The following EPB41L2 variants were observed in gnomAD, a reference collection of about 807,000 sequenced individuals.
EPB41L2 encodes the protein band 4.1-like protein 2.
In EPB41L2, 43 loss-of-function variants were observed where a neutral mutation model predicts 113.0. The observed-to-expected ratio is 0.38, with a 90% CI of 0.30 to 0.49. EPB41L2 has a LOEUF of 0.49. EPB41L2 is among the 20% of genes least tolerant of loss of function. EPB41L2 has a pLI of 0.95. For missense variants in EPB41L2, 1,147 were observed against 1,223.4 expected, an observed-to-expected ratio of 0.94 and a Z score of 0.93; for synonymous variants, 442 against 436.7, an observed-to-expected ratio of 1.01 and a Z score of -0.15.
chr6:131,008,980 T>C (rs909360338), intron 1 of EPB41L2, among the ~76,000 whole-genome samples: 3 of 152,218 alleles, frequency 2.0e-5, no homozygotes, highest in Non-Finnish European at 4.4e-5. Context: ...AAATTAATGC[T>C]GGAATGAGTT....
chr6:130,878,352 A>C, intron 13 of EPB41L2, 102 bp from the exon 14 acceptor site: 1 of 1,069,056 alleles, frequency 9.4e-7, no homozygotes, highest in Non-Finnish European at 1.3e-6. Context: ...ACTTACGATT[A>C]AAAAAAAAAC....
chr6:131,027,956 G>A lies in EPB41L2; in HGVS notation c.-15+35199C>T, dbSNP rs956734660. On this transcript the variant is annotated intron_variant, in intron 1 of 19. Transcript: ENST00000337057. The stretch of plus-strand genomic sequence containing the variant: ...ATAATATACTTATTTGGTGTCTGCC[G>A]AGATCATTTCAAAAGACCTGACAAA... Among the ~76,000 whole-genome samples the A allele has an allele frequency of 4.6e-5, 7 of 152,192 alleles. No homozygotes were observed. The South Asian group carries it at 1.0e-3, about 23-fold the overall frequency.
At chr6:131,030,019 G>A (rs751928863) in intron 1 of EPB41L2, among the ~76,000 whole-genome samples, 14 of 151,368 alleles carry the variant, frequency 9.2e-5, no homozygotes, top group African/African-American at 2.4e-4. Flanking sequence ...ACCACTGTTC[G>A]CAGTTCCTCA....
At chr6:131,057,081 AAAAC>A (rs1371506396) in intron 1 of EPB41L2, among the ~76,000 whole-genome samples, 1 of 152,196 alleles carries the variant, frequency 6.6e-6, no homozygotes. Context: ...AAAAAAGAGA[AAAAC>A]AAAATACTCT....
At chr6:130,928,630 GC>G (rs1805622813) in intron 3 of EPB41L2, among the ~76,000 whole-genome samples, 1 of 152,186 alleles carries the variant, frequency 6.6e-6, no homozygotes, top group Non-Finnish European at 1.5e-5. Context: ...ATAGGAACAT[GC>G]CCTCATGGGC....
At chr6:130,997,639 A>T (rs1225325865) in intron 1 of EPB41L2, among the ~76,000 whole-genome samples, 1 of 152,236 alleles carries the variant, frequency 6.6e-6, no homozygotes, top group East Asian at 1.9e-4. Context: ...CGTGTTTTTC[A>T]GGACTGCAAA....
chr6:130,890,830 T>C (rs556598020), intron 10 of EPB41L2, among the ~76,000 whole-genome samples: 1 of 152,316 alleles, frequency 6.6e-6, no homozygotes, highest in East Asian at 1.9e-4. Context: ...TCCATTACCA[T>C]TAGTAATTCT....
chr6:130,935,708 C>G (rs1018648128), intron 3 of EPB41L2, among the ~76,000 whole-genome samples: 1 of 152,114 alleles, frequency 6.6e-6, no homozygotes, highest in East Asian at 1.9e-4. Flanking sequence ...TAACTACACA[C>G]GAATTTATTT....
intron 1 of EPB41L2, chr6:131,062,697 G>C (rs923937987): frequency 6.6e-6 from 1 of 151,766 alleles, no homozygotes; most frequent in African/African-American, 2.4e-5. Flanking sequence ...CCTCCCCGCG[G>C]GGGGGATGGA....
rs917713080 is a variant in EPB41L2 at position 130,850,545 on chromosome 6, G to C, written c.*5+7586C>G. 2.0e-5 allele frequency among the ~76,000 whole-genome samples: 3 copies of C among 152,180 alleles called. No homozygotes were observed. The East Asian group carries it at 5.8e-4, about 29-fold the overall frequency. On this transcript the variant is annotated intron_variant, in intron 19 of 19. Coordinates refer to ENST00000337057, the MANE Select transcript of EPB41L2 (RefSeq NM_001431.4). ...ATCACAATATCAGCCTATATGGAAA[G>C]GGGGGGTGTGTGTATGTGAGTGTCT...
At chr6:130,848,257 A>C (rs1292170255) in intron 19 of EPB41L2, among the ~76,000 whole-genome samples, 1 of 148,892 alleles carries the variant, frequency 6.7e-6, no homozygotes, top group Non-Finnish European at 1.5e-5. Flanking sequence ...TCTAAACTGC[A>C]TCGTGCCATA....
intron 15 of EPB41L2, chr6:130,868,593 A>T (rs1784658211): frequency 6.6e-6 from 1 of 152,248 alleles, no homozygotes; most frequent in Admixed American, 6.5e-5. Context: ...CAGAAGTTTA[A>T]AAGTAACATG....
At chr6:130,903,916 T>C (rs1271621334) in intron 6 of EPB41L2, among the ~76,000 whole-genome samples, 1 of 152,206 alleles carries the variant, frequency 6.6e-6, no homozygotes, top group African/African-American at 2.4e-5. Flanking sequence ...AATCCTTTCT[T>C]TGCAATTCAA....
At chr6:130,910,107 C>A (rs1367417527) in intron 4 of EPB41L2, among the ~76,000 whole-genome samples, 3 of 152,194 alleles carry the variant, frequency 2.0e-5, no homozygotes, top group Non-Finnish European at 4.4e-5. Context: ...CTGGAGGTAT[C>A]ACACTACCTG....
At chr6:130,969,246 C>G (rs1001666110) in intron 1 of EPB41L2, among the ~76,000 whole-genome samples, 1 of 152,008 alleles carries the variant, frequency 6.6e-6, no homozygotes, top group Non-Finnish European at 1.5e-5. Flanking sequence ...CTTAAACTTC[C>G]CAAGTACACA....
Position 130,930,875 on chromosome 6 carries a change from G to A in EPB41L2, c.706-4166C>T, listed in dbSNP as rs528836711. ...TTTAAAATATGACTAAGGAAAAAGT[G>A]AATATGAAAAAGCAGGTTTTGAAAA... On this transcript the variant is annotated intron_variant, in intron 3 of 19. Coordinates refer to ENST00000337057, the MANE Select transcript of EPB41L2 (RefSeq NM_001431.4). Among the ~76,000 whole-genome samples the A allele has an allele frequency of 5.3e-5, 8 of 152,136 alleles. No homozygotes were observed. The South Asian group carries it at 1.7e-3, about 32-fold the overall frequency.
intron 3 of EPB41L2, among the ~76,000 whole-genome samples, chr6:130,948,512 A>G (rs1243795194): frequency 1.3e-5 from 2 of 152,222 alleles, no homozygotes; most frequent in Non-Finnish European, 2.9e-5. Flanking sequence ...TAAAAGGGAA[A>G]AAAGCAAATT....
intron 11 of EPB41L2, 104 bp downstream of exon 11, chr6:130,890,190 C>T: frequency 8.1e-7 from 1 of 1,241,356 alleles, no homozygotes; most frequent in Non-Finnish European, 1.1e-6. Flanking sequence ...ATGGCTATCC[C>T]TGTAGGGTAT....
At chr6:130,977,970 T>C (rs1183121232) in intron 1 of EPB41L2, among the ~76,000 whole-genome samples, 1 of 152,228 alleles carries the variant, frequency 6.6e-6, no homozygotes, top group Non-Finnish European at 1.5e-5. Context: ...GGTTTAACTT[T>C]ATTTTTAAAA....
Sources: allele counts gnomAD v4.1 joint callset (sites outside exome capture counted in the v4.1 genomes callset), GRCh38; gene constraint gnomAD v4.1.1; transcripts MANE v1.5; gene names NCBI Gene and HGNC (gene_info 2026-07-23, HGNC 2026-07-21).